IGSF23: variants seen among roughly 807,000 people sequenced by gnomAD.
IGSF23 encodes immunoglobulin superfamily, member 23.
Under a neutral mutation model 17.8 loss-of-function variants are expected in IGSF23, and 14 were observed. The ratio of observed to expected loss-of-function variants is 0.79; its 90% CI spans 0.52 to 1.23. The LOEUF (loss-of-function observed/expected upper bound fraction) is 1.23. IGSF23 is among the 50% of genes most tolerant of loss of function. The pLI is 0.00. For synonymous variants in IGSF23, 85 were observed against 92.5 expected (o/e 0.92, Z 0.46); for missense variants, 214 against 241.7 (o/e 0.89, Z 0.76).
At chr19:44,631,381 A>C (rs62119267) in intron 3 of IGSF23, among the ~76,000 whole-genome samples, 1,763 of 152,294 alleles carry the variant, frequency 0.012, 19 homozygotes, top group Non-Finnish European at 0.02. Context: ...TGAAGCTAGG[A>C]GTTCGAGACC....
In IGSF23 at chr19:44,614,036, G is replaced by A. The variant is rs536376400; in HGVS notation, c.125+266G>A. 9.9e-6 allele frequency: 14 copies of A among 1,418,748 alleles called. No individual in the cohort carries two copies. In the East Asian group the frequency reaches 3.1e-4, roughly 31 times the overall value. 87.9% of individuals were successfully genotyped at this position (1,418,748 alleles called of 1,614,324 possible). ...TTCACCACGGGCCAGGGACAAGGAG[G>A]AGAGTGTCTCCTTACGAGTCCAAGT... On this transcript the variant is annotated intron_variant, in intron 1 of 4. Coordinates refer to ENST00000402988, the MANE Select transcript of IGSF23 (RefSeq NM_001205280.2).
chr19:44,624,046 T>A, intron 2 of IGSF23, 74 bp downstream of exon 2: 1 of 1,360,678 alleles, frequency 7.3e-7, no homozygotes, highest in Non-Finnish European at 9.9e-7. Flanking sequence ...GCAGCCTCTA[T>A]GATTCCATTA....
intron 2 of IGSF23, among the ~76,000 whole-genome samples, chr19:44,626,920 C>A (rs1429653178): frequency 0.014 from 1,406 of 102,670 alleles, no homozygotes; most frequent in Middle Eastern, 0.025. Context: ...GACTCTGTCT[C>A]AAAAAAAAAA....
At chr19:44,614,116 C>T in intron 1 of IGSF23, 2 of 656,524 alleles carry the variant, frequency 3.0e-6, no homozygotes, top group South Asian at 1.6e-5. Context: ...AGCTCAGGCA[C>T]CCAACTCATG....
intron 2 of IGSF23, among the ~76,000 whole-genome samples, chr19:44,627,115 G>A (rs1186702648): frequency 3.9e-5 from 6 of 152,088 alleles, no homozygotes; most frequent in Admixed American, 1.3e-4. Context: ...GCAGGGCCTC[G>A]AAGGCTAAGG....
rs895360124 is a variant in IGSF23, at chr19:44,613,776, T to G, written c.125+6T>G. On this transcript the variant is annotated splice_donor_region_variant and intron_variant, in intron 1 of 4. Transcript: ENST00000402988. ...GACTTCCCAGCCAACTTGGTGTAAG[T>G]CATGTGGGGAAGTGGCCAGGGTAGG... 1 of 1,550,112 alleles carries G rather than the reference T, an allele frequency of 6.5e-7. No homozygotes were observed. Among genetic ancestry groups the G allele is most frequent in the Admixed American group, 2.0e-5 (1 of 50,938 alleles).
chr19:44,634,220 C>A (rs926898668), intron 3 of IGSF23, among the ~76,000 whole-genome samples: 9 of 152,178 alleles, frequency 5.9e-5, no homozygotes, highest in Admixed American at 4.6e-4. Context: ...CCAGGACAGG[C>A]CCCTCATGGC....
In IGSF23 at chr19:44,613,721, C is replaced by T. The variant is rs1364843198; in HGVS notation, c.76C>T (p.Pro26Ser). ...GTCCCCACCCACCACCACCACTGAC[C>T]CGATGCTAGAGAAGGATGCGGCTGG... ...AWSPPTTTTD[P>S]MLEKDAAGGD... The change falls in exon 1 of 5, where the codon CCG becomes TCG. Residue 26 changes from proline to serine, a missense_variant. Pro to Ser is a moderately conservative substitution (Grantham distance 74, BLOSUM62 -1). Transcript: ENST00000402988. 2.6e-6 allele frequency: 4 copies of T among 1,550,592 alleles called. No homozygotes were observed. In the South Asian group the frequency reaches 4.8e-5, roughly 18 times the overall value.
intron 1 of IGSF23, chr19:44,614,089 C>CAG: frequency 1.0e-6 from 1 of 972,030 alleles, no homozygotes; most frequent in Admixed American, 2.3e-5. Context: ...TTGACCCTGT[C>CAG]AGTTTGAGGC....
At chr19:44,619,690 T>C (rs1466223968) in intron 1 of IGSF23, among the ~76,000 whole-genome samples, 1 of 152,164 alleles carries the variant, frequency 6.6e-6, no homozygotes, top group Non-Finnish European at 1.5e-5. Flanking sequence ...TCTCATTCTG[T>C]CCTTGCATGG....
intron 1 of IGSF23, among the ~76,000 whole-genome samples, chr19:44,621,944 G>A (rs1599734070): frequency 1.3e-5 from 2 of 152,062 alleles, no homozygotes; most frequent in African/African-American, 2.4e-5. Flanking sequence ...ATCCATGGCC[G>A]GGTATGGTGG....
At chr19:44,629,231 T>C (rs1972716466) in intron 3 of IGSF23, among the ~76,000 whole-genome samples, 2 of 152,168 alleles carry the variant, frequency 1.3e-5, no homozygotes, top group East Asian at 1.9e-4. Flanking sequence ...TGATCCTATA[T>C]GTTGGCTAGT....
chr19:44,627,749 A>T (rs1336445723), intron 3 of IGSF23, among the ~76,000 whole-genome samples, 176 bp downstream of exon 3: 1 of 152,146 alleles, frequency 6.6e-6, no homozygotes, highest in African/African-American at 2.4e-5. Flanking sequence ...CACAGCAACA[A>T]AGAGATAGAA....
intron 1 of IGSF23, among the ~76,000 whole-genome samples, chr19:44,615,337 G>A (rs973931113): frequency 3.3e-5 from 5 of 149,566 alleles, no homozygotes; most frequent in African/African-American, 1.2e-4. Flanking sequence ...AGTGGCTCAC[G>A]GGTGCAGTGG....
intron 1 of IGSF23, among the ~76,000 whole-genome samples, chr19:44,617,189 G>C (rs1972401482): frequency 8.3e-6 from 1 of 120,016 alleles, no homozygotes; most frequent in Non-Finnish European, 1.7e-5. Context: ...CAGGATTACA[G>C]GTATGAGCCA....
chr19:44,635,466 G>T lies in IGSF23; in HGVS notation c.*31+1G>T. 7 of 1,545,852 alleles carry T rather than the reference G, an allele frequency of 4.5e-6. No homozygotes were observed. Among genetic ancestry groups the T allele is most frequent in the Non-Finnish European group, 6.1e-6 (7 of 1,143,568 alleles). ...GGCAACTCTCCTGTCAGCTGAAGAG[G>T]TAATACCAGGAAGGGTGTGAAGGAA... On this transcript the variant is annotated splice_donor_variant, in intron 4 of 4. Coordinates refer to ENST00000402988, the MANE Select transcript of IGSF23 (RefSeq NM_001205280.2). LOFTEE classifies it low-confidence loss of function (3UTR_SPLICE).
intron 1 of IGSF23, among the ~76,000 whole-genome samples, chr19:44,622,906 T>A (rs1972551846): frequency 6.6e-6 from 1 of 152,138 alleles, no homozygotes; most frequent in South Asian, 2.1e-4. Context: ...TGCTCAAACA[T>A]AACCTCCCCA....
chr19:44,622,047 C>A (rs886859414), intron 1 of IGSF23, among the ~76,000 whole-genome samples: 2 of 152,020 alleles, frequency 1.3e-5, no homozygotes, highest in African/African-American at 4.8e-5. Flanking sequence ...CATGGTGAAA[C>A]CCCATCTCCA....
At chr19:44,615,936 T>G (rs1972364829) in intron 1 of IGSF23, among the ~76,000 whole-genome samples, 2 of 152,204 alleles carry the variant, frequency 1.3e-5, no homozygotes, top group African/African-American at 4.8e-5. Context: ...CTTTGGAAAT[T>G]GGCTGTGCCA....
Sources: gnomAD v4.1 joint callset for allele counts (sites outside exome capture counted in the v4.1 genomes callset) on GRCh38, gnomAD v4.1.1 for gene constraint, MANE v1.5 for transcripts, NCBI Gene and HGNC (gene_info 2026-07-23, HGNC 2026-07-21) for gene names.